SCIN: variants seen among roughly 807,000 people sequenced by gnomAD.
The protein encoded by SCIN is adseverin.
SCIN carries 91 observed loss-of-function variants against 91.8 expected under a neutral mutation model. That is an observed-to-expected ratio of 0.99 (90% confidence interval 0.84 to 1.18). The LOEUF (loss-of-function observed/expected upper bound fraction) is 1.18. SCIN is among the 50% of genes most tolerant of loss of function. The pLI is 0.00. For synonymous variants in SCIN, 367 were observed against 312.6 expected (o/e 1.17, Z -1.84); for missense variants, 1,087 against 863.9 (o/e 1.26, Z -3.24).
In SCIN at chr7:12,655,791, G is replaced by C. The variant is rs959984492; in HGVS notation, c.*3076G>C. On this transcript the variant is annotated 3_prime_UTR_variant, in exon 16 of 16. Transcript: ENST00000297029. ...TAGACTAGGTACATGTGGAGAAAGAGATACAGGTGTTCCCTAGCAAGTTAA... is the reference window on the plus strand; with the variant it reads ...TAGACTAGGTACATGTGGAGAAAGACATACAGGTGTTCCCTAGCAAGTTAA... The C allele has an allele frequency of 1.3e-5, 2 of 152,166 alleles. No individual in the cohort carries two copies. Among genetic ancestry groups the C allele is most frequent in the African/African-American group, 4.8e-5 (2 of 41,440 alleles). 9.4% of individuals were successfully genotyped at this position (152,166 alleles called of 1,614,324 possible).
At chr7:12,616,198 G>C (rs547395681) in intron 4 of SCIN, among the ~76,000 whole-genome samples, 14 of 152,218 alleles carry the variant, frequency 9.2e-5, no homozygotes, top group African/African-American at 3.1e-4. Flanking sequence ...AATGTTACCA[G>C]AGACACTGTA....
intron 1 of SCIN, among the ~76,000 whole-genome samples, chr7:12,574,317 T>C (rs1469082143): frequency 6.6e-6 from 1 of 152,154 alleles, no homozygotes; most frequent in African/African-American, 2.4e-5. Flanking sequence ...ATCCCATTTA[T>C]ATAAAATTTT....
At chr7:12,589,756 G>A (rs1782678539) in intron 3 of SCIN, among the ~76,000 whole-genome samples, 2 of 152,188 alleles carry the variant, frequency 1.3e-5, no homozygotes, top group South Asian at 4.1e-4. Flanking sequence ...GGCCTGGTCG[G>A]CTTGTTGGCA....
chr7:12,581,112 C>T lies in SCIN; in HGVS notation c.407C>T (p.Ala136Val), dbSNP rs1240700104. The change falls in exon 3 of 16, where the codon GCC becomes GTC. Residue 136 changes from alanine to valine, a missense_variant. By Grantham distance (64) the Ala-to-Val change is moderately conservative. Coordinates refer to ENST00000297029, the MANE Select transcript of SCIN (RefSeq NM_001112706.3). Reference protein sequence around the residue: ...LNHVLTNDLTAKRLLHVKGRR... With the variant: ...LNHVLTNDLTVKRLLHVKGRR... ...CATGTTCTTACGAACGACCTGACAG[C>T]CAAGAGGCTCCTACATGTGAAGGGT... is the stretch of plus-strand genomic sequence containing the variant. The T allele has an allele frequency of 9.0e-6, 14 of 1,551,310 alleles. No individual in the cohort carries two copies. In the East Asian group the frequency reaches 3.2e-4, roughly 35 times the overall value.
intron 15 of SCIN, among the ~76,000 whole-genome samples, chr7:12,652,233 T>C (rs1444615054): frequency 2.6e-5 from 4 of 152,238 alleles, no homozygotes; most frequent in Admixed American, 1.3e-4. Context: ...CTTTTGACTA[T>C]GCTGTTCTTT....
chr7:12,654,925 C>G lies in SCIN; in HGVS notation c.*2210C>G, dbSNP rs995893362. The G allele has an allele frequency of 6.6e-6, 1 of 152,030 alleles. No homozygotes were observed. Among genetic ancestry groups the G allele is most frequent in the Non-Finnish European group, 1.5e-5 (1 of 67,988 alleles). 9.4% of individuals were successfully genotyped at this position (152,030 alleles called of 1,614,324 possible). On this transcript the variant is annotated 3_prime_UTR_variant, in exon 16 of 16. Coordinates refer to ENST00000297029, the MANE Select transcript of SCIN (RefSeq NM_001112706.3). ...AGCATAATTTCTGAATGCATCACGGCAAAGATGCATGTACTCATGAAGCAT... is the reference window on the plus strand; with the variant it reads ...AGCATAATTTCTGAATGCATCACGGGAAAGATGCATGTACTCATGAAGCAT...
At chr7:12,597,686 T>A (rs948067015) in intron 3 of SCIN, among the ~76,000 whole-genome samples, 4 of 152,232 alleles carry the variant, frequency 2.6e-5, no homozygotes, top group Non-Finnish European at 5.9e-5. Flanking sequence ...CCAAATGTGG[T>A]TGTTTCTATA....
At chr7:12,623,565 G>A (rs1783453275) in intron 5 of SCIN, among the ~76,000 whole-genome samples, 1 of 152,080 alleles carries the variant, frequency 6.6e-6, no homozygotes, top group Non-Finnish European at 1.5e-5. Flanking sequence ...AACAAAAACT[G>A]CAAGACACTC....
chr7:12,574,978 C>T lies in SCIN; in HGVS notation c.200-3086C>T, dbSNP rs571483874. ...AGTCTTAAAATCCATGAACACTAAG[C>T]GTTTACATTTACTTAGGTCTTCCTT... is the stretch of plus-strand genomic sequence containing the variant. On this transcript the variant is annotated intron_variant, in intron 1 of 15. Transcript: ENST00000297029. Among the ~76,000 whole-genome samples the T allele has an allele frequency of 5.3e-5, 8 of 152,172 alleles. No individual in the cohort carries two copies. In the South Asian group the frequency reaches 1.2e-3, roughly 24 times the overall value.
intron 10 of SCIN, among the ~76,000 whole-genome samples, chr7:12,637,406 C>T (rs1017334744): frequency 6.6e-6 from 1 of 151,944 alleles, no homozygotes; most frequent in African/African-American, 2.4e-5. Flanking sequence ...AAACAAAGTC[C>T]AACACCCAAA....
chr7:12,641,275 C>T (rs948007854), intron 11 of SCIN, among the ~76,000 whole-genome samples: 2 of 152,102 alleles, frequency 1.3e-5, no homozygotes, highest in African/African-American at 4.8e-5. Context: ...CTTCTCTAAG[C>T]CTCCCTCTCC....
intron 12 of SCIN, 48 bp downstream of exon 12, chr7:12,644,363 G>C: frequency 6.6e-7 from 1 of 1,521,196 alleles, no homozygotes; most frequent in Non-Finnish European, 8.9e-7. Context: ...ATACTGATAC[G>C]ATTGCTAATC....
intron 4 of SCIN, among the ~76,000 whole-genome samples, chr7:12,609,165 CA>C: frequency 6.6e-6 from 1 of 152,112 alleles, no homozygotes; most frequent in East Asian, 1.9e-4. Context: ...AGGACACAAC[CA>C]TCATTAACAA....
At chr7:12,634,742 G>A (rs1783712669) in intron 9 of SCIN, among the ~76,000 whole-genome samples, 1 of 152,148 alleles carries the variant, frequency 6.6e-6, no homozygotes. Flanking sequence ...TCAAACAGCA[G>A]ATCTCCCACA....
At chr7:12,607,619 A>G (rs1000016795) in intron 4 of SCIN, among the ~76,000 whole-genome samples, 1 of 152,152 alleles carries the variant, frequency 6.6e-6, no homozygotes, top group Non-Finnish European at 1.5e-5. Context: ...CAAAGCACCC[A>G]CTTTGTTTTC....
intron 3 of SCIN, among the ~76,000 whole-genome samples, chr7:12,594,122 C>T (rs775539351): frequency 1.4e-4 from 22 of 152,012 alleles, no homozygotes; most frequent in East Asian, 3.9e-4. Context: ...ACATTGGGCC[C>T]GAGAGCGGGT....
chr7:12,590,592 A>G (rs1782699928), intron 3 of SCIN, among the ~76,000 whole-genome samples: 1 of 151,610 alleles, frequency 6.6e-6, no homozygotes, highest in Non-Finnish European at 1.5e-5. Context: ...CTGTATAGCA[A>G]AGCTTTCTCG....
At chr7:12,609,500 G>A (rs2115256402) in intron 4 of SCIN, among the ~76,000 whole-genome samples, 1 of 151,602 alleles carries the variant, frequency 6.6e-6, no homozygotes, top group South Asian at 2.1e-4. Context: ...TAAACATTAG[G>A]AGGAAAGCAA....
rs752182639 is a variant in SCIN at position 12,571,175 on chromosome 7, G to A, written c.199+190G>A. On this transcript the variant is annotated intron_variant, in intron 1 of 15. Transcript: ENST00000297029. Reference sequence around the variant, plus strand: ...AAGTCAACTCGCCGGCTGCAAACGCGGGGCTCAGGCGTTGTCCGCAATTGA... The same window carrying A: ...AAGTCAACTCGCCGGCTGCAAACGCAGGGCTCAGGCGTTGTCCGCAATTGA... 200 of 632,400 alleles carry A rather than the reference G, an allele frequency of 3.2e-4. 1 individual carries two copies. Among genetic ancestry groups the A allele is most frequent in the Non-Finnish European group, 3.9e-4 (146 of 372,288 alleles). 39.2% of individuals were successfully genotyped at this position (632,400 alleles called of 1,614,324 possible). A position where few individuals can be genotyped will look rare whatever the true frequency, so the allele number is the denominator to read the frequency against.
Sources: gnomAD v4.1 joint callset for allele counts (sites outside exome capture counted in the v4.1 genomes callset) on GRCh38, gnomAD v4.1.1 for gene constraint, MANE v1.5 for transcripts, NCBI Gene and HGNC (gene_info 2026-07-23, HGNC 2026-07-21) for gene names.